Variants in DENND1A observed in about 807,000 individuals in gnomAD.
DENND1A encodes the protein DENN domain containing 1A.
DENND1A carries 51 observed loss-of-function variants against 113.7 expected under a neutral mutation model. The observed-to-expected ratio is 0.45, with a 90% confidence interval of 0.36 to 0.57. The LOEUF is 0.57. Ranked by LOEUF, DENND1A falls within the 20% of genes least tolerant of loss-of-function variation. The pLI, the probability that DENND1A is intolerant of heterozygous loss-of-function variation, is 0.00. For missense variants in DENND1A, 1,258 were observed against 1,395.9 expected (o/e 0.90, Z 1.57); for synonymous variants, 565 against 570.8 (o/e 0.99, Z 0.14).
intron 2 of DENND1A, among the ~76,000 whole-genome samples, chr9:123,877,666 T>C (rs1419235576): frequency 6.7e-6 from 1 of 149,120 alleles, no homozygotes; most frequent in Non-Finnish European, 1.5e-5. Context: ...TTACTAAAAA[T>C]ATAAAAGTTA....
chr9:123,615,674 C>A (rs878873379), intron 10 of DENND1A, among the ~76,000 whole-genome samples: 2 of 152,172 alleles, frequency 1.3e-5, no homozygotes, highest in African/African-American at 4.8e-5. Flanking sequence ...GTGGCTAACA[C>A]CTCTCTTGGT....
intron 11 of DENND1A, among the ~76,000 whole-genome samples, chr9:123,599,467 T>C (rs1240753864): frequency 6.6e-6 from 1 of 152,256 alleles, no homozygotes; most frequent in Non-Finnish European, 1.5e-5. Flanking sequence ...GGAAATATTT[T>C]ATTCATAATA....
chr9:123,472,507 A>C (rs1170291154), intron 13 of DENND1A, among the ~76,000 whole-genome samples: 1 of 152,096 alleles, frequency 6.6e-6, no homozygotes, highest in Admixed American at 6.5e-5. Context: ...CCAGACCCTC[A>C]AAATACACAC....
At chr9:123,384,076 C>T (rs530484087) in intron 22 of DENND1A, among the ~76,000 whole-genome samples, 163 bp from the exon 23 acceptor site, 2 of 152,312 alleles carry the variant, frequency 1.3e-5, no homozygotes, top group African/African-American at 4.8e-5. Context: ...TGGGAGGCTG[C>T]GAGGGTGCAA....
chr9:123,918,388 T>TGAA (rs997586239), intron 1 of DENND1A, among the ~76,000 whole-genome samples: 1 of 151,316 alleles, frequency 6.6e-6, no homozygotes, highest in Admixed American at 6.6e-5. Flanking sequence ...CTCGGGAGGC[T>TGAA]GAAGCAGGAG....
intron 1 of DENND1A, among the ~76,000 whole-genome samples, chr9:123,916,725 A>C (rs1036480768): frequency 2.6e-5 from 4 of 152,140 alleles, no homozygotes; most frequent in Non-Finnish European, 5.9e-5. Context: ...CAAACTCGGT[A>C]CCTATGTCAG....
intron 13 of DENND1A, among the ~76,000 whole-genome samples, chr9:123,521,974 C>A (rs557889546): frequency 6.6e-6 from 1 of 152,206 alleles, no homozygotes; most frequent in Admixed American, 6.5e-5. Context: ...GGCTCCCTTC[C>A]ATTTCTTCTA....
At chr9:123,864,650 C>T (rs904894148) in intron 2 of DENND1A, among the ~76,000 whole-genome samples, 4 of 152,016 alleles carry the variant, frequency 2.6e-5, no homozygotes, top group Admixed American at 1.3e-4. Context: ...AGAAAAATCG[C>T]GGGAGAGAAA....
At chr9:123,492,149 A>G (rs979471562) in intron 13 of DENND1A, 1 of 152,370 alleles carries the variant, frequency 6.6e-6, no homozygotes, top group African/African-American at 2.4e-5. Context: ...GGGGCCACCA[A>G]GGACTCCAGC....
intron 2 of DENND1A, among the ~76,000 whole-genome samples, chr9:123,804,666 A>G (rs12337273): frequency 0.072 from 10,963 of 152,228 alleles, 580 homozygotes; most frequent in African/African-American, 0.15. Context: ...TAACATATCC[A>G]AAATGGAACT....
intron 13 of DENND1A, among the ~76,000 whole-genome samples, chr9:123,543,908 G>C (rs1399399958): frequency 2.5e-5 from 1 of 40,714 alleles, no homozygotes; most frequent in Admixed American, 2.2e-4. Flanking sequence ...ATTTGTCAGT[G>C]TGTGTGCAAG....
Position 123,477,731 on chromosome 9 carries a change from G to A in DENND1A, c.994-19834C>T, listed in dbSNP as rs75275817. Among the ~76,000 whole-genome samples, 499 of 151,320 alleles carry A rather than the reference G, an allele frequency of 3.3e-3. 4 individuals are homozygous for A. The highest frequency in any genetic ancestry group is 0.011 in the African/African-American group (464 of 40,912). ...AACAAACACATCCTGTACATGTACC[G>A]TGGAACTTAAAAAAAAATAATTAAA... On this transcript the variant is annotated intron_variant, in intron 13 of 23. Coordinates refer to ENST00000394215, the MANE Select transcript of DENND1A (RefSeq NM_001352964.2).
chr9:123,783,733 C>T (rs1196855745), intron 3 of DENND1A, among the ~76,000 whole-genome samples: 1 of 152,222 alleles, frequency 6.6e-6, no homozygotes, highest in Non-Finnish European at 1.5e-5. Flanking sequence ...TTCCTCTGCA[C>T]TCTTTCTGGA....
At chr9:123,820,524 G>A (rs376579247) in intron 2 of DENND1A, among the ~76,000 whole-genome samples, 43 of 152,158 alleles carry the variant, frequency 2.8e-4, no homozygotes, top group African/African-American at 9.4e-4. Context: ...TGGACATGGC[G>A]AGCTCCCTGC....
intron 19 of DENND1A, among the ~76,000 whole-genome samples, chr9:123,426,554 C>A (rs1036091850): frequency 5.3e-5 from 8 of 152,226 alleles, no homozygotes; most frequent in Admixed American, 5.2e-4. Context: ...AGAATGGAGC[C>A]AGGGAGGAGC....
intron 2 of DENND1A, among the ~76,000 whole-genome samples, chr9:123,834,633 A>G (rs1840779115): frequency 6.6e-6 from 1 of 152,230 alleles, no homozygotes; most frequent in Non-Finnish European, 1.5e-5. Context: ...CTCACACGTC[A>G]TAAGCCCTGT....
intron 5 of DENND1A, among the ~76,000 whole-genome samples, chr9:123,714,470 T>C (rs761209887): frequency 5.6e-4 from 85 of 151,982 alleles, no homozygotes; most frequent in Middle Eastern, 3.4e-3. Flanking sequence ...GGTGTGGTGG[T>C]GCATGCCTGT....
intron 19 of DENND1A, among the ~76,000 whole-genome samples, chr9:123,436,669 T>C (rs2046542839): frequency 6.6e-6 from 1 of 152,242 alleles, no homozygotes; most frequent in Non-Finnish European, 1.5e-5. Context: ...CCTATTTACT[T>C]TGCTCTTATA....
chr9:123,577,923 G>A (rs1344787376), intron 12 of DENND1A, among the ~76,000 whole-genome samples: 1 of 152,136 alleles, frequency 6.6e-6, no homozygotes, highest in Non-Finnish European at 1.5e-5. Context: ...CCCTACTGGT[G>A]TCTCTTATCA....
Sources: gnomAD v4.1 joint callset for allele counts (sites outside exome capture counted in the v4.1 genomes callset) on GRCh38, gnomAD v4.1.1 for gene constraint, MANE v1.5 for transcripts, NCBI Gene and HGNC (gene_info 2026-07-23, HGNC 2026-07-21) for gene names.